CHI3L2: variants seen among roughly 807,000 people sequenced by gnomAD.
CHI3L2 encodes chitinase-3-like protein 2.
In CHI3L2, 47 loss-of-function variants were observed where a neutral mutation model predicts 47.3. The observed-to-expected ratio is 0.99, with a 90% CI of 0.79 to 1.27. The LOEUF is 1.27. Ranked by LOEUF, CHI3L2 falls within the 50% of genes most tolerant of loss-of-function variation. The pLI is 0.00. For synonymous variants in CHI3L2, 198 were observed against 169.9 expected, an observed-to-expected ratio of 1.17 and a Z score of -1.28; for missense variants, 497 against 462.1, an observed-to-expected ratio of 1.08 and a Z score of -0.69.
chr1:111,234,062 C>T (rs1212407147), intron 4 of CHI3L2, among the ~76,000 whole-genome samples: 2 of 150,028 alleles, frequency 1.3e-5, no homozygotes, highest in South Asian at 2.1e-4. Context: ...TGCGGAAGGC[C>T]GCAGGGTCCT....
rs1039281090 is a variant in CHI3L2 at position 111,243,259 on chromosome 1, G to C, written c.*45G>C. On this transcript the variant is annotated 3_prime_UTR_variant, in exon 11 of 11. Coordinates refer to ENST00000369748, the MANE Select transcript of CHI3L2 (RefSeq NM_004000.3). The stretch of plus-strand genomic sequence containing the variant: ...GCAGGCAAGATGACCTTGCTGCCTG[G>C]GGCCTGCTCTCTCCCAGGAATTCTC... The C allele has an allele frequency of 6.6e-6, 3 of 455,878 alleles. No homozygotes were observed. Among genetic ancestry groups the C allele is most frequent in the African/African-American group, 6.0e-5 (3 of 50,052 alleles). The allele number at this position is 455,878 out of a possible 1,614,324, so 28.2% of individuals were successfully genotyped here. A position where few individuals can be genotyped will look rare whatever the true frequency, so the allele number is the denominator to read the frequency against.
chr1:111,237,248 A>T (rs1659911960), intron 7 of CHI3L2, among the ~76,000 whole-genome samples: 1 of 152,348 alleles, frequency 6.6e-6, no homozygotes, highest in South Asian at 2.1e-4. Flanking sequence ...GCTGTTAATC[A>T]TCTTTGTTTC....
intron 7 of CHI3L2, among the ~76,000 whole-genome samples, chr1:111,237,482 C>T (rs923751092): frequency 3.3e-5 from 5 of 152,128 alleles, no homozygotes; most frequent in African/African-American, 1.2e-4. Context: ...TGTTTCCAGG[C>T]CTTCATATTC....
rs371047089 is a variant in CHI3L2, at chr1:111,230,838, G to C, written c.167G>C (p.Cys56Ser). Reference protein sequence around the residue: ...FTPENIDPFLCSHLIYSFASI... With the variant: ...FTPENIDPFLSSHLIYSFASI... ...CCTGAGAATATTGACCCCTTCCTAT[G>C]CTCTCATCTCATCTATTCATTCGCC... The change falls in exon 3 of 11, where the codon TGC becomes TCC. Residue 56 changes from cysteine to serine, a missense_variant. Coordinates refer to ENST00000369748, the MANE Select transcript of CHI3L2 (RefSeq NM_004000.3). 5.0e-6 allele frequency: 8 copies of C among 1,613,976 alleles called. No individual in the cohort carries two copies. The highest frequency in any genetic ancestry group is 4.0e-5 in the African/African-American group (3 of 74,892).
chr1:111,227,834 G>A, intron 1 of CHI3L2, 65 bp downstream of exon 1: 3 of 1,478,926 alleles, frequency 2.0e-6, no homozygotes, highest in Non-Finnish European at 2.8e-6. Context: ...CAGGTCTGTA[G>A]AAGAAGTAAT....
chr1:111,231,396 GT>G, intron 4 of CHI3L2, 102 bp downstream of exon 4: 1 of 906,060 alleles, frequency 1.1e-6, no homozygotes, highest in Non-Finnish European at 1.7e-6. Flanking sequence ...GCTTTAAGAG[GT>G]TTTCCCTTGG....
chr1:111,233,253 G>A (rs912211522), intron 4 of CHI3L2, among the ~76,000 whole-genome samples: 1 of 152,134 alleles, frequency 6.6e-6, no homozygotes, highest in East Asian at 1.9e-4. Flanking sequence ...GGAGATCTGC[G>A]TTGCCTATTT....
intron 10 of CHI3L2, among the ~76,000 whole-genome samples, chr1:111,242,948 A>G (rs1258817457): frequency 1.3e-5 from 2 of 152,182 alleles, no homozygotes; most frequent in Admixed American, 6.5e-5. Flanking sequence ...CCTCCTGTGC[A>G]GATGAAGGCT....
At chr1:111,236,435 T>C (rs545614601) in intron 7 of CHI3L2, among the ~76,000 whole-genome samples, 3 of 149,226 alleles carry the variant, frequency 2.0e-5, no homozygotes, top group Non-Finnish European at 4.5e-5. Context: ...TTCTCCATCT[T>C]TCATACATTT....
intron 2 of CHI3L2, among the ~76,000 whole-genome samples, chr1:111,230,239 T>A (rs1423808513): frequency 1.3e-5 from 2 of 149,302 alleles, no homozygotes; most frequent in East Asian, 3.9e-4. Flanking sequence ...GTGGTATCTC[T>A]GTCTCTCAAT....
At chr1:111,235,823 G>T (rs1659868683) in intron 6 of CHI3L2, 60 bp downstream of exon 6, 8 of 1,595,282 alleles carry the variant, frequency 5.0e-6, no homozygotes, top group Non-Finnish European at 6.8e-6. Context: ...TGCAAATGAT[G>T]CATCAGCATG....
At chr1:111,234,466 G>A (rs1250450967) in intron 4 of CHI3L2, among the ~76,000 whole-genome samples, 3 of 152,172 alleles carry the variant, frequency 2.0e-5, no homozygotes, top group African/African-American at 7.2e-5. Flanking sequence ...AGAGCGATGA[G>A]ATACCACCTG....
chr1:111,242,306 G>T lies in CHI3L2; in HGVS notation c.1115G>T (p.Cys372Phe). ...ATGGATGACTTCACTGGCAAATCCT[G>T]CAACCAGGGCCCTTACCCTCTTGTC... ...IDMDDFTGKS[C>F]NQGPYPLVQA... The change falls in exon 10 of 11, where the codon TGC becomes TTC. Residue 372 changes from cysteine to phenylalanine, a missense_variant. Coordinates refer to ENST00000369748, the MANE Select transcript of CHI3L2 (RefSeq NM_004000.3). The T allele has an allele frequency of 6.2e-7, 1 of 1,614,002 alleles. No individual in the cohort carries two copies. Among genetic ancestry groups the T allele is most frequent in the African/African-American group, 1.3e-5 (1 of 74,992 alleles).
intron 9 of CHI3L2, among the ~76,000 whole-genome samples, chr1:111,242,014 G>A (rs185182121): frequency 6.6e-6 from 1 of 152,296 alleles, no homozygotes; most frequent in African/African-American, 2.4e-5. Flanking sequence ...GACCTTGAGT[G>A]TGGTGACTCA....
intron 5 of CHI3L2, among the ~76,000 whole-genome samples, 170 bp from the exon 6 acceptor site, chr1:111,235,469 A>C (rs1396317995): frequency 6.6e-6 from 1 of 152,164 alleles, no homozygotes; most frequent in African/African-American, 2.4e-5. Flanking sequence ...CCTAATGTGG[A>C]GACTTCCTGA....
At chr1:111,236,328 C>A (rs1475558525) in intron 7 of CHI3L2, among the ~76,000 whole-genome samples, 175 bp downstream of exon 7, 1 of 152,212 alleles carries the variant, frequency 6.6e-6, no homozygotes. Context: ...CAGGCACCAA[C>A]AAAATGTCAC....
rs760328936 is a variant in CHI3L2 at position 111,236,101 on chromosome 1, G to A, written c.683G>A (p.Ser228Asn). ...AAGCCCCTTATCACTGGCCACAACAGCCCTCTGAGCAAGGGGTGGCAGGAC... is the reference window on the plus strand; with the variant it reads ...AAGCCCCTTATCACTGGCCACAACAACCCTCTGAGCAAGGGGTGGCAGGAC... The part of the protein sequence containing the change: ...WEKPLITGHN[S>N]PLSKGWQDRG... Residue 228 changes from serine (S) to asparagine (N), a missense_variant, in exon 7 of 11, where the codon AGC (serine) becomes AAC (asparagine). Ser to Asn is a conservative substitution (Grantham distance 46, BLOSUM62 1). Coordinates refer to ENST00000369748, the MANE Select transcript of CHI3L2 (RefSeq NM_004000.3). 24 of 1,614,062 alleles carry A rather than the reference G, an allele frequency of 1.5e-5. No homozygotes were observed. Among genetic ancestry groups the A allele is most frequent in the South Asian group, 2.2e-5 (2 of 91,090 alleles).
intron 8 of CHI3L2, among the ~76,000 whole-genome samples, chr1:111,240,613 T>C (rs1319716838): frequency 1.3e-5 from 2 of 152,240 alleles, no homozygotes; most frequent in African/African-American, 4.8e-5. Context: ...GCTTAAATAT[T>C]CAACTTTCAT....
chr1:111,239,029 G>T (rs1015082227), intron 8 of CHI3L2, 97 bp downstream of exon 8: 24 of 1,233,920 alleles, frequency 1.9e-5, no homozygotes, highest in Non-Finnish European at 2.6e-5. Context: ...TGAGTGTTGC[G>T]AAGGGGAAAG....
Sources: gnomAD v4.1 joint callset for allele counts (sites outside exome capture counted in the v4.1 genomes callset) on GRCh38, gnomAD v4.1.1 for gene constraint, MANE v1.5 for transcripts, NCBI Gene and HGNC (gene_info 2026-07-23, HGNC 2026-07-21) for gene names.